HIPK2: variants seen among roughly 807,000 people sequenced by gnomAD.
The protein encoded by HIPK2 is homeodomain-interacting protein kinase 2.
Under a neutral mutation model 113.7 loss-of-function variants are expected in HIPK2, and 27 were observed. The ratio of observed to expected loss-of-function variants is 0.24; its 90% CI spans 0.17 to 0.33. HIPK2 has a LOEUF of 0.33. Ranked by LOEUF, HIPK2 falls within the 10% of genes least tolerant of loss-of-function variation. HIPK2 has a pLI of 1.00. For synonymous variants in HIPK2, 631 were observed against 642.2 expected (o/e 0.98, Z 0.26); for missense variants, 1,257 against 1,588.0 (o/e 0.79, Z 3.54).
chr7:139,777,566 GCGGCGGGCGCGGGGT>G (rs1307229610), intron 1 of HIPK2, 24 bp downstream of exon 1: 7 of 973,634 alleles, frequency 7.2e-6, no homozygotes, highest in Non-Finnish European at 8.7e-6. Flanking sequence ...GCCGCGGAGG[GCGGCGGGCGCGGGGT>G]CGGCGGGGCC....
intron 1 of HIPK2, among the ~76,000 whole-genome samples, chr7:139,735,536 A>G (rs1585438011): frequency 1.3e-5 from 2 of 152,328 alleles, no homozygotes; most frequent in South Asian, 2.1e-4. Context: ...ATGTCCAAGC[A>G]CCACCCCAAG....
chr7:139,583,158 A>G (rs1798724199), intron 13 of HIPK2, among the ~76,000 whole-genome samples: 1 of 152,280 alleles, frequency 6.6e-6, no homozygotes, highest in Non-Finnish European at 1.5e-5. Context: ...CACTGTGAGC[A>G]TGAGCAAGGG....
Position 139,566,465 on chromosome 7 carries a change from G to C in HIPK2, c.*6462C>G, listed in dbSNP as rs1275488678. 3 of 152,148 alleles carry C rather than the reference G, an allele frequency of 2.0e-5. No homozygotes were observed. Among genetic ancestry groups the C allele is most frequent in the Non-Finnish European group, 4.4e-5 (3 of 68,036 alleles). 9.4% of individuals were successfully genotyped at this position (152,148 alleles called of 1,614,324 possible). On this transcript the variant is annotated 3_prime_UTR_variant, in exon 15 of 15. Coordinates refer to ENST00000406875, the MANE Select transcript of HIPK2 (RefSeq NM_022740.5). The surrounding 1 kb of genome is among the most constrained non-coding windows in gnomAD (Gnocchi z 4.1). ...GCAGGAAGCGGGAGTATCACTAAAT[G>C]GTTCATAGAAATATGAGGCCACGCA...
intron 2 of HIPK2, among the ~76,000 whole-genome samples, chr7:139,660,736 A>G (rs1801839158): frequency 6.6e-6 from 1 of 152,232 alleles, no homozygotes; most frequent in Admixed American, 6.5e-5. Context: ...CACCTCTCAC[A>G]GAGGGCTAGC....
intron 1 of HIPK2, among the ~76,000 whole-genome samples, chr7:139,771,332 T>G (rs919962045): frequency 6.6e-6 from 1 of 151,944 alleles, no homozygotes; most frequent in African/African-American, 2.4e-5. Context: ...CGGGAGATAA[T>G]TAAGCAAGAT....
intron 1 of HIPK2, among the ~76,000 whole-genome samples, chr7:139,765,739 GCCTCACAGCA>G (rs1796543177): frequency 6.6e-6 from 1 of 152,024 alleles, no homozygotes; most frequent in Admixed American, 6.6e-5. Flanking sequence ...TTTCCCCATG[GCCTCACAGCA>G]CCTCCTCCAT....
intron 7 of HIPK2, among the ~76,000 whole-genome samples, chr7:139,615,280 C>T (rs1173153088): frequency 1.3e-5 from 2 of 152,156 alleles, no homozygotes; most frequent in Non-Finnish European, 2.9e-5. Flanking sequence ...GAGATGTATG[C>T]AGAGAGGGAG....
At chr7:139,667,097 C>T (rs1432008976) in intron 2 of HIPK2, among the ~76,000 whole-genome samples, 1 of 151,760 alleles carries the variant, frequency 6.6e-6, no homozygotes, top group Non-Finnish European at 1.5e-5. Flanking sequence ...AAACTCCACA[C>T]TCTAACTCTA....
At chr7:139,677,616 T>C (rs1451812895) in intron 2 of HIPK2, among the ~76,000 whole-genome samples, 1 of 152,196 alleles carries the variant, frequency 6.6e-6, no homozygotes, top group Non-Finnish European at 1.5e-5. Context: ...GGGATACATG[T>C]GCAGAACGTG....
chr7:139,655,525 T>A (rs575177361), intron 2 of HIPK2, among the ~76,000 whole-genome samples: 2 of 152,228 alleles, frequency 1.3e-5, no homozygotes, highest in East Asian at 3.9e-4. Flanking sequence ...CGTGGCAGGG[T>A]CTTCTTGGCT....
At position 139,613,410 on chromosome 7, in the gene HIPK2, A is replaced by AC; in HGVS notation, c.1991-88_1991-87insG. 6.6e-7 allele frequency: 1 copy of AC among 1,510,560 alleles called. No homozygotes were observed. The highest frequency in any genetic ancestry group is 9.0e-7 in the Non-Finnish European group (1 of 1,113,054). 93.6% of individuals were successfully genotyped at this position (1,510,560 alleles called of 1,614,324 possible). On this transcript the variant is annotated intron_variant, in intron 8 of 14. Transcript: ENST00000406875. This position sits in a 1 kb window ranked among gnomAD's most constrained non-coding sequence, Gnocchi z 4.2. ...AAGAACCTTCCTGGGCAGTTATGTC[A>AC]ACTTTCTGCTTCCCTTTGCACTGGT...
chr7:139,631,586 T>C lies in HIPK2; in HGVS notation c.1227+16A>G. The C allele has an allele frequency of 6.2e-7, 1 of 1,608,362 alleles. No homozygotes were observed. Among genetic ancestry groups the C allele is most frequent in the Non-Finnish European group, 8.5e-7 (1 of 1,178,138 alleles). ...AAGAATGAGGTCTTGTGAATATCTG[T>C]GTCATCTGGACCCACCTGATCATAC... On this transcript the variant is annotated intron_variant, in intron 3 of 14. Transcript: ENST00000406875. This position sits in a 1 kb window ranked among gnomAD's most constrained non-coding sequence, Gnocchi z 4.9.
At chr7:139,580,693 T>TG (rs1798639579) in intron 13 of HIPK2, among the ~76,000 whole-genome samples, 1 of 152,214 alleles carries the variant, frequency 6.6e-6, no homozygotes, top group Non-Finnish European at 1.5e-5. Context: ...CACATGGCTC[T>TG]GGGAAGGCTG....
At position 139,669,911 on chromosome 7, in the gene HIPK2, A is replaced by T. The variant is rs10270708; in HGVS notation, c.1104-38186T>A. Among the ~76,000 whole-genome samples, 1,291 of 152,304 alleles carry T rather than the reference A, an allele frequency of 8.5e-3. 24 individuals carry two copies. The highest frequency in any genetic ancestry group is 0.029 in the African/African-American group (1,222 of 41,554). ...TAGAGTACCCATGGATGAATTTTCAACTGGAATAATCAAGCTTTATTTACT... is the reference window on the plus strand; with the variant it reads ...TAGAGTACCCATGGATGAATTTTCATCTGGAATAATCAAGCTTTATTTACT... On this transcript the variant is annotated intron_variant, in intron 2 of 14. Transcript: ENST00000406875.
intron 2 of HIPK2, among the ~76,000 whole-genome samples, chr7:139,688,010 C>T (rs1300948961): frequency 1.3e-5 from 2 of 152,214 alleles, no homozygotes; most frequent in East Asian, 3.8e-4. Flanking sequence ...GATAAGCTCA[C>T]CCTTGTTCTC....
chr7:139,724,759 T>C (rs373008390), intron 1 of HIPK2, among the ~76,000 whole-genome samples: 1 of 141,090 alleles, frequency 7.1e-6, no homozygotes, highest in Admixed American at 7.4e-5. Flanking sequence ...TCAATTCCCA[T>C]CTATGAGTGA....
At chr7:139,678,312 G>C (rs575894851) in intron 2 of HIPK2, among the ~76,000 whole-genome samples, 3 of 152,218 alleles carry the variant, frequency 2.0e-5, no homozygotes, top group South Asian at 4.2e-4. Flanking sequence ...TGTCCTGAAT[G>C]GTATTGCCTA....
At position 139,638,642 on chromosome 7, in the gene HIPK2, G is replaced by C. The variant is rs540741084; in HGVS notation, c.1104-6917C>G. On this transcript the variant is annotated intron_variant, in intron 2 of 14. Transcript: ENST00000406875. ...TAAACATTCTTGTTCTGGAGAAAGA[G>C]AGTAAATAATTGTCTTTTTTTTTTT... is the stretch of plus-strand genomic sequence containing the variant. 7.3e-5 allele frequency among the ~76,000 whole-genome samples: 11 copies of C among 149,920 alleles called. No individual in the cohort carries two copies. In the South Asian group the frequency reaches 2.1e-3, roughly 29 times the overall value.
Position 139,577,381 on chromosome 7 carries a change from C to T in HIPK2, c.2966-2093G>A, listed in dbSNP as rs183430490. On this transcript the variant is annotated intron_variant, in intron 13 of 14. Coordinates refer to ENST00000406875, the MANE Select transcript of HIPK2 (RefSeq NM_022740.5). ...GGCCAGGCTGGTCTCAAACTCCTGA[C>T]CTCAGGTGATCCACCTGCCCTTGGC... 5.5e-3 allele frequency among the ~76,000 whole-genome samples: 844 copies of T among 152,154 alleles called. 10 individuals are homozygous for T. Among genetic ancestry groups the T allele is most frequent in the African/African-American group, 0.019 (800 of 41,508 alleles).
Sources: allele counts gnomAD v4.1 joint callset (sites outside exome capture counted in the v4.1 genomes callset), GRCh38; gene constraint gnomAD v4.1.1; non-coding constraint Gnocchi (gnomAD v3.1); transcripts MANE v1.5; gene names NCBI Gene and HGNC (gene_info 2026-07-23, HGNC 2026-07-21).